UMAD1: variants seen among roughly 807,000 people sequenced by gnomAD.
UMAD1 encodes the protein UBAP1-MVB12-associated (UMA)-domain containing protein 1.
UMAD1 carries 8 observed loss-of-function variants against 6.1 expected under a neutral mutation model. The ratio of observed to expected loss-of-function variants is 1.30; its 90% CI spans 0.76 to 2.35. The LOEUF (loss-of-function observed/expected upper bound fraction) is 2.35. UMAD1 is among the 30% of genes most tolerant of loss of function. The probability of loss-of-function intolerance (pLI) is 0.00; values close to 1 mark genes in which losing one functional copy is unlikely to be tolerated. For missense variants in UMAD1, 130 were observed against 78.4 expected (o/e 1.66, Z -2.49); for synonymous variants, 56 against 31.4 (o/e 1.78, Z -2.61).
chr7:7,783,682 G>A (rs1033515848), intron 2 of UMAD1, among the ~76,000 whole-genome samples: 1 of 152,148 alleles, frequency 6.6e-6, no homozygotes, highest in Admixed American at 6.5e-5. Context: ...GCGTAAAACT[G>A]GTTCTAAGTC....
intron 2 of UMAD1, among the ~76,000 whole-genome samples, chr7:7,791,739 T>C (rs1782571589): frequency 6.6e-6 from 1 of 152,208 alleles, no homozygotes; most frequent in Non-Finnish European, 1.5e-5. Flanking sequence ...TATGACCTCA[T>C]TTAGATTTGT....
intron 2 of UMAD1, among the ~76,000 whole-genome samples, chr7:7,728,603 C>T (rs1039079759): frequency 7.3e-5 from 11 of 150,200 alleles, no homozygotes; most frequent in African/African-American, 2.7e-4. Flanking sequence ...GAGATCACAC[C>T]AGTGCACTCC....
At chr7:7,810,454 C>T (rs1214766011) in intron 3 of UMAD1, among the ~76,000 whole-genome samples, 1 of 152,002 alleles carries the variant, frequency 6.6e-6, no homozygotes, top group East Asian at 1.9e-4. Context: ...TTATAAATGA[C>T]ACTGATGATG....
chr7:7,649,970 C>A (rs1306558788), intron 1 of UMAD1, among the ~76,000 whole-genome samples: 1 of 152,226 alleles, frequency 6.6e-6, no homozygotes, highest in Non-Finnish European at 1.5e-5. Flanking sequence ...GAGCTTTGAT[C>A]TTACACTTTC....
chr7:7,757,204 T>C (rs1781795636), intron 2 of UMAD1, among the ~76,000 whole-genome samples: 1 of 152,204 alleles, frequency 6.6e-6, no homozygotes, highest in Non-Finnish European at 1.5e-5. Flanking sequence ...TTCTGAGATG[T>C]TGAGACTCTT....
chr7:7,761,160 T>A (rs1781881521), intron 2 of UMAD1, among the ~76,000 whole-genome samples: 1 of 152,046 alleles, frequency 6.6e-6, no homozygotes, highest in African/African-American at 2.4e-5. Flanking sequence ...AGCCCAGGAA[T>A]TCAAGTTCAG....
intron 2 of UMAD1, among the ~76,000 whole-genome samples, chr7:7,679,805 T>C (rs1779862576): frequency 6.6e-6 from 1 of 150,902 alleles, no homozygotes; most frequent in Non-Finnish European, 1.5e-5. Flanking sequence ...GCTCAAGCCA[T>C]CTTCCTGCCT....
intron 2 of UMAD1, among the ~76,000 whole-genome samples, chr7:7,703,102 C>T (rs2115157198): frequency 6.6e-6 from 1 of 152,280 alleles, no homozygotes; most frequent in Admixed American, 6.5e-5. Context: ...GCCAAACCTT[C>T]ACTGAATGAC....
chr7:7,719,964 G>A (rs1024683375), intron 2 of UMAD1, among the ~76,000 whole-genome samples: 7 of 152,114 alleles, frequency 4.6e-5, no homozygotes, highest in African/African-American at 1.7e-4. Context: ...TAAGTACTCA[G>A]TTTGACTTGG....
intron 1 of UMAD1, among the ~76,000 whole-genome samples, chr7:7,664,394 T>C (rs149243395): frequency 5.3e-5 from 8 of 152,300 alleles, no homozygotes; most frequent in African/African-American, 1.2e-4. Context: ...AATACTTTGC[T>C]CAAGACTCCA....
At chr7:7,813,492 C>T (rs1783064719) in intron 3 of UMAD1, among the ~76,000 whole-genome samples, 1 of 152,162 alleles carries the variant, frequency 6.6e-6, no homozygotes, top group South Asian at 2.1e-4. Context: ...GCATGAGTGA[C>T]TGCGCCCAGC....
intron 2 of UMAD1, among the ~76,000 whole-genome samples, chr7:7,759,898 G>A (rs188318593): frequency 3.3e-5 from 5 of 152,198 alleles, no homozygotes; most frequent in Admixed American, 3.3e-4. Flanking sequence ...CCTAACTTAG[G>A]CAGTGTTAAA....
intron 1 of UMAD1, among the ~76,000 whole-genome samples, chr7:7,655,819 GTCTC>G (rs146375851): frequency 2.7e-5 from 4 of 150,182 alleles, no homozygotes; most frequent in Non-Finnish European, 4.4e-5. Flanking sequence ...ATTTAGGACA[GTCTC>G]TCTCTCTCTC....
At chr7:7,829,535 G>A (rs974768596) in intron 3 of UMAD1, among the ~76,000 whole-genome samples, 1 of 152,232 alleles carries the variant, frequency 6.6e-6, no homozygotes, top group South Asian at 2.1e-4. Flanking sequence ...ACAAAAAAAG[G>A]AATGTGCTGA....
chr7:7,698,207 G>T (rs1272104644), intron 2 of UMAD1, among the ~76,000 whole-genome samples: 4 of 152,188 alleles, frequency 2.6e-5, no homozygotes. Flanking sequence ...TGCTTCATTA[G>T]TGTTTTTGGA....
chr7:7,873,950 G>A lies in UMAD1; in HGVS notation c.157-3331G>A, dbSNP rs183131425. 4.6e-5 allele frequency among the ~76,000 whole-genome samples: 7 copies of A among 152,002 alleles called. No individual in the cohort carries two copies. In the East Asian group the frequency reaches 7.7e-4, roughly 17 times the overall value. ...CTCTCCACTTTCTCCACCAGATCTCGTCCAGCTGCAGATTCAAATTATATC... is the reference window on the plus strand; with the variant it reads ...CTCTCCACTTTCTCCACCAGATCTCATCCAGCTGCAGATTCAAATTATATC... On this transcript the variant is annotated intron_variant, in intron 3 of 3. Coordinates refer to ENST00000682710, the MANE Select transcript of UMAD1 (RefSeq NM_001302348.2).
chr7:7,701,634 G>A (rs1362062055), intron 2 of UMAD1, among the ~76,000 whole-genome samples: 1 of 152,104 alleles, frequency 6.6e-6, no homozygotes, highest in Non-Finnish European at 1.5e-5. Flanking sequence ...TTGCTTATAA[G>A]GTCCTATATT....
chr7:7,875,039 G>T (rs1279267717), intron 3 of UMAD1, among the ~76,000 whole-genome samples: 3 of 152,156 alleles, frequency 2.0e-5, no homozygotes, highest in Non-Finnish European at 4.4e-5. Context: ...CTCCCAAAGT[G>T]CTGGGATTAC....
intron 2 of UMAD1, among the ~76,000 whole-genome samples, chr7:7,740,459 G>C (rs548374324): frequency 6.6e-6 from 1 of 152,220 alleles, no homozygotes; most frequent in East Asian, 1.9e-4. Flanking sequence ...TACTTTTTAT[G>C]GTAAGATTGA....
Sources: allele counts gnomAD v4.1 joint callset (sites outside exome capture counted in the v4.1 genomes callset), GRCh38; gene constraint gnomAD v4.1.1; transcripts MANE v1.5; gene names NCBI Gene and HGNC (gene_info 2026-07-23, HGNC 2026-07-21).